The following METTL15 variants were observed in gnomAD, a reference collection of about 807,000 sequenced individuals.
The protein encoded by METTL15 is 12S rRNA N(4)-cytidine methyltransferase METTL15.
In METTL15, 34 loss-of-function variants were observed where a neutral mutation model predicts 38.3. That is an observed-to-expected ratio of 0.89 (90% CI 0.68 to 1.18). The LOEUF (loss-of-function observed/expected upper bound fraction) is 1.18. METTL15 is among the 50% of genes most tolerant of loss of function. The probability of loss-of-function intolerance (pLI) is 0.00; values close to 1 mark genes in which losing one functional copy is unlikely to be tolerated. For synonymous variants in METTL15, 162 were observed against 170.9 expected, an observed-to-expected ratio of 0.95 and a Z score of 0.41; for missense variants, 438 against 498.4, an observed-to-expected ratio of 0.88 and a Z score of 1.15.
At chr11:28,184,946 A>G (rs1444118825) in intron 3 of METTL15, among the ~76,000 whole-genome samples, 2 of 151,544 alleles carry the variant, frequency 1.3e-5, no homozygotes, top group Admixed American at 1.3e-4. Context: ...GTTCCTGAGT[A>G]AAGGAAATAT....
chr11:28,483,253 G>A (rs754016196), intron 6 of METTL15, among the ~76,000 whole-genome samples: 8 of 152,148 alleles, frequency 5.3e-5, no homozygotes, highest in Admixed American at 2.0e-4. Flanking sequence ...GACAGCCAGC[G>A]TATCTGGTGG....
chr11:28,265,584 T>C (rs1262577879), intron 4 of METTL15, among the ~76,000 whole-genome samples: 1 of 152,010 alleles, frequency 6.6e-6, no homozygotes, highest in Non-Finnish European at 1.5e-5. Context: ...AACATACTTA[T>C]ATCATGTCAA....
At chr11:28,137,838 G>C (rs1849565291) in intron 3 of METTL15, among the ~76,000 whole-genome samples, 1 of 149,640 alleles carries the variant, frequency 6.7e-6, no homozygotes, top group Non-Finnish European at 1.5e-5. Context: ...TTTTCTTTAG[G>C]CCAATCAATT....
chr11:28,221,817 A>G (rs1486319622), intron 4 of METTL15, among the ~76,000 whole-genome samples: 1 of 152,106 alleles, frequency 6.6e-6, no homozygotes, highest in Non-Finnish European at 1.5e-5. Flanking sequence ...CTGGAGGTCC[A>G]CTCCAGACCC....
At chr11:28,419,375 C>T (rs563915188) in intron 5 of METTL15, among the ~76,000 whole-genome samples, 1 of 152,154 alleles carries the variant, frequency 6.6e-6, no homozygotes, top group East Asian at 1.9e-4. Context: ...TAAAATTCTT[C>T]CAGATTTTGT....
intron 3 of METTL15, among the ~76,000 whole-genome samples, chr11:28,166,014 C>T (rs914928133): frequency 6.6e-6 from 1 of 151,966 alleles, no homozygotes; most frequent in African/African-American, 2.4e-5. Context: ...TTTTTATTGC[C>T]AGTACCATAC....
chr11:28,455,687 C>G (rs1271146533), intron 6 of METTL15, among the ~76,000 whole-genome samples: 1 of 152,060 alleles, frequency 6.6e-6, no homozygotes, highest in Non-Finnish European at 1.5e-5. Context: ...GGTGATACTG[C>G]ATGGTTTCTT....
chr11:28,393,200 T>C (rs555490761), intron 5 of METTL15, among the ~76,000 whole-genome samples: 55 of 152,254 alleles, frequency 3.6e-4, no homozygotes, highest in Non-Finnish European at 1.3e-4. Flanking sequence ...TTGAAAACAG[T>C]ATTTTAAAGA....
chr11:28,392,561 A>T (rs757956697), intron 5 of METTL15, among the ~76,000 whole-genome samples: 17 of 152,116 alleles, frequency 1.1e-4, no homozygotes, highest in Non-Finnish European at 2.5e-4. Context: ...ATGCCAGAAG[A>T]AAATATAGGG....
At chr11:28,163,727 T>C (rs1850556450) in intron 3 of METTL15, 1 of 324,010 alleles carries the variant, frequency 3.1e-6, no homozygotes, top group Non-Finnish European at 5.5e-6. Context: ...AACTAAAATT[T>C]AGTGAGCTAT....
At chr11:28,132,734 A>G (rs936526242) in intron 3 of METTL15, among the ~76,000 whole-genome samples, 1 of 152,158 alleles carries the variant, frequency 6.6e-6, no homozygotes, top group Admixed American at 6.5e-5. Flanking sequence ...TCTTTGATAT[A>G]TGATACAGTT....
At chr11:28,163,248 GATTA>G (rs764370254) in intron 3 of METTL15, 145 of 395,748 alleles carry the variant, frequency 3.7e-4, no homozygotes, top group South Asian at 5.6e-4. Context: ...GTGTTTTGAT[GATTA>G]ATTTGTTGAT....
At chr11:28,517,021 A>G (rs1026936844) in intron 6 of METTL15, 1 of 152,268 alleles carries the variant, frequency 6.6e-6, no homozygotes. Flanking sequence ...CTCAGATTGT[A>G]TCCTTTCAGT....
chr11:28,137,752 T>C (rs929034418), intron 3 of METTL15, among the ~76,000 whole-genome samples: 1 of 152,208 alleles, frequency 6.6e-6, no homozygotes, highest in African/African-American at 2.4e-5. Flanking sequence ...TTCTCAAAGA[T>C]TAAAGTCACT....
intron 6 of METTL15, among the ~76,000 whole-genome samples, chr11:28,436,466 T>A (rs1387941398): frequency 2.6e-5 from 4 of 152,140 alleles, no homozygotes; most frequent in African/African-American, 9.7e-5. Context: ...GTTCCATGCA[T>A]CCGTGGTCAG....
intron 5 of METTL15, among the ~76,000 whole-genome samples, chr11:28,419,417 C>A (rs1850801130): frequency 6.6e-6 from 1 of 152,188 alleles, no homozygotes; most frequent in Non-Finnish European, 1.5e-5. Context: ...CTCTACACGT[C>A]TACAACAACC....
chr11:28,126,942 A>G (rs1657894739), intron 3 of METTL15, among the ~76,000 whole-genome samples: 1 of 152,126 alleles, frequency 6.6e-6, no homozygotes. Flanking sequence ...GAATCTAGAC[A>G]ATTAAATAGG....
intron 3 of METTL15, among the ~76,000 whole-genome samples, chr11:28,190,061 T>C (rs1036214393): frequency 6.6e-6 from 1 of 151,274 alleles, no homozygotes; most frequent in African/African-American, 2.4e-5. Context: ...CTTTATTGAC[T>C]ACTTTAATTT....
At chr11:28,489,901 G>A (rs1014889238) in intron 6 of METTL15, among the ~76,000 whole-genome samples, 6 of 152,062 alleles carry the variant, frequency 3.9e-5, no homozygotes, top group African/African-American at 1.2e-4. Flanking sequence ...TAGACCATGA[G>A]AAGAAAGAAA....
Sources: gnomAD v4.1 joint callset for allele counts (sites outside exome capture counted in the v4.1 genomes callset) on GRCh38, gnomAD v4.1.1 for gene constraint, MANE v1.5 for transcripts, NCBI Gene and HGNC (gene_info 2026-07-23, HGNC 2026-07-21) for gene names.